KCNB2: variants seen among roughly 807,000 people sequenced by gnomAD.
The protein encoded by KCNB2 is potassium voltage-gated channel subfamily B member 2, also known as delayed rectifier potassium channel protein.
Under a neutral mutation model 61.5 loss-of-function variants are expected in KCNB2, and 15 were observed. The ratio of observed to expected loss-of-function variants is 0.24; its 90% CI spans 0.16 to 0.38. The LOEUF is 0.38. KCNB2 is among the 10% of genes least tolerant of loss of function. KCNB2 has a pLI of 1.00. For missense variants in KCNB2, 828 were observed against 1,125.2 expected (o/e 0.74, Z 3.78); for synonymous variants, 457 against 446.0 (o/e 1.02, Z -0.31).
At chr8:72,605,919 A>G (rs973023815) in intron 2 of KCNB2, among the ~76,000 whole-genome samples, 2 of 152,172 alleles carry the variant, frequency 1.3e-5, no homozygotes, top group African/African-American at 4.8e-5. Context: ...CAAGAGGAAT[A>G]CTAACCCAGC....
chr8:72,904,545 G>C (rs1323620729), intron 2 of KCNB2, among the ~76,000 whole-genome samples: 1 of 151,662 alleles, frequency 6.6e-6, no homozygotes, highest in East Asian at 1.9e-4. Flanking sequence ...AAAAGAAAAA[G>C]AACAAAAAAG....
chr8:72,925,085 T>G (rs1292929360), intron 2 of KCNB2, among the ~76,000 whole-genome samples: 1 of 152,240 alleles, frequency 6.6e-6, no homozygotes, highest in Non-Finnish European at 1.5e-5. Context: ...CTGCAGAGAT[T>G]CATTAAAAGG....
chr8:72,862,469 T>G (rs933655842), intron 2 of KCNB2, among the ~76,000 whole-genome samples: 1 of 152,192 alleles, frequency 6.6e-6, no homozygotes, highest in Non-Finnish European at 1.5e-5. Context: ...AATTACAAAA[T>G]TTTTAGTAGT....
intron 2 of KCNB2, among the ~76,000 whole-genome samples, chr8:72,648,485 G>A (rs1258131462): frequency 1.3e-5 from 2 of 150,876 alleles, no homozygotes; most frequent in African/African-American, 4.9e-5. Flanking sequence ...TGTTGCCTAG[G>A]CTGGTCGCGA....
rs545151766 is a variant in KCNB2 at position 72,643,856 on chromosome 8, G to A, written c.579+75543G>A. Reference sequence around the variant, plus strand: ...AAAGTTGTAAGGAAAACACCACCCCGTACTCAAGGAAAATATGAACCCTTC... The same window carrying A: ...AAAGTTGTAAGGAAAACACCACCCCATACTCAAGGAAAATATGAACCCTTC... On this transcript the variant is annotated intron_variant, in intron 2 of 2. Transcript: ENST00000523207. Among the ~76,000 whole-genome samples the A allele has an allele frequency of 5.9e-5, 9 of 152,060 alleles. No homozygotes were observed. The East Asian group carries it at 1.4e-3, about 23-fold the overall frequency.
At chr8:72,562,229 G>C (rs909874815) in intron 1 of KCNB2, among the ~76,000 whole-genome samples, 1 of 152,148 alleles carries the variant, frequency 6.6e-6, no homozygotes, top group Non-Finnish European at 1.5e-5. Flanking sequence ...CATGAAGGAA[G>C]TGTCAAGTGT....
At chr8:72,783,287 T>A (rs577193486) in intron 2 of KCNB2, among the ~76,000 whole-genome samples, 3 of 152,266 alleles carry the variant, frequency 2.0e-5, no homozygotes, top group South Asian at 4.1e-4. Flanking sequence ...TCAAGTCATG[T>A]CCTTACAGTG....
In KCNB2 at chr8:72,636,891, G is replaced by A. The variant is rs944536249; in HGVS notation, c.579+68578G>A. 2.6e-5 allele frequency among the ~76,000 whole-genome samples: 4 copies of A among 152,122 alleles called. No homozygotes were observed. In the South Asian group the frequency reaches 8.3e-4, roughly 32 times the overall value. On this transcript the variant is annotated intron_variant, in intron 2 of 2. Coordinates refer to ENST00000523207, the MANE Select transcript of KCNB2 (RefSeq NM_004770.3). ...ATTGGCCCATTTCTGCCACCAACAT[G>A]CCATAAGACTGATCATTGTTTTCCA... is the stretch of plus-strand genomic sequence containing the variant.
At chr8:72,742,685 C>T (rs897054249) in intron 2 of KCNB2, among the ~76,000 whole-genome samples, 1 of 152,276 alleles carries the variant, frequency 6.6e-6, no homozygotes, top group Middle Eastern at 3.4e-3. Context: ...TCCTCCTGTG[C>T]GTGGAAGGGG....
chr8:72,598,574 C>T (rs1807237374), intron 2 of KCNB2, among the ~76,000 whole-genome samples: 1 of 152,142 alleles, frequency 6.6e-6, no homozygotes, highest in Admixed American at 6.5e-5. Flanking sequence ...CACTCCTATT[C>T]AACATAGTGT....
chr8:72,890,029 G>A (rs1387367424), intron 2 of KCNB2, among the ~76,000 whole-genome samples: 1 of 152,154 alleles, frequency 6.6e-6, no homozygotes, highest in Non-Finnish European at 1.5e-5. Flanking sequence ...TTACAGGCGT[G>A]AGCCAACATG....
chr8:72,562,777 G>T (rs546486264), intron 1 of KCNB2, among the ~76,000 whole-genome samples: 1 of 151,928 alleles, frequency 6.6e-6, no homozygotes, highest in Admixed American at 6.6e-5. Context: ...ATTTTATGGG[G>T]TAAAAAATCA....
At chr8:72,702,380 CCAAA>C (rs551227788) in intron 2 of KCNB2, among the ~76,000 whole-genome samples, 94 of 152,230 alleles carry the variant, frequency 6.2e-4, no homozygotes, top group African/African-American at 2.1e-3. Context: ...CATCTTAACA[CCAAA>C]CAAATTGTGC....
At chr8:72,776,985 T>G (rs1316967954) in intron 2 of KCNB2, among the ~76,000 whole-genome samples, 1 of 152,200 alleles carries the variant, frequency 6.6e-6, no homozygotes, top group Admixed American at 6.5e-5. Flanking sequence ...TGCTATATGA[T>G]GATTTAAATG....
intron 2 of KCNB2, among the ~76,000 whole-genome samples, chr8:72,591,919 A>C (rs1024843247): frequency 3.3e-5 from 5 of 152,094 alleles, no homozygotes; most frequent in African/African-American, 1.2e-4. Context: ...GACTAATCTT[A>C]CATAAGTTTA....
At chr8:72,763,372 C>T (rs16938359) in intron 2 of KCNB2, among the ~76,000 whole-genome samples, 2,225 of 151,886 alleles carry the variant, frequency 0.015, 64 homozygotes, top group African/African-American at 0.051. Flanking sequence ...CAACAAGCAC[C>T]GAAGTATCAG....
intron 2 of KCNB2, among the ~76,000 whole-genome samples, chr8:72,754,787 A>C (rs1808256898): frequency 6.6e-6 from 1 of 152,212 alleles, no homozygotes; most frequent in African/African-American, 2.4e-5. Context: ...GTAAGTAAAC[A>C]CATTCAGTTG....
At position 72,814,392 on chromosome 8, in the gene KCNB2, G is replaced by A. The variant is rs1466931469; in HGVS notation, c.580-121543G>A. Among the ~76,000 whole-genome samples, 5 of 152,248 alleles carry A rather than the reference G, an allele frequency of 3.3e-5. 1 individual carries two copies. Among genetic ancestry groups the A allele is most frequent in the Admixed American group, 3.3e-4 (5 of 15,290 alleles). On this transcript the variant is annotated intron_variant, in intron 2 of 2. Coordinates refer to ENST00000523207, the MANE Select transcript of KCNB2 (RefSeq NM_004770.3). ...TTGACACGTCACTGAATAGGCAAAT[G>A]TTCAGCTTTTACAGGTACGACCAGT...
intron 2 of KCNB2, among the ~76,000 whole-genome samples, chr8:72,760,700 G>A (rs1808364260): frequency 6.6e-6 from 1 of 152,182 alleles, no homozygotes; most frequent in African/African-American, 2.4e-5. Flanking sequence ...ACAGGCCTCA[G>A]TTAGCAGCAT....
Sources: gnomAD v4.1 joint callset for allele counts (sites outside exome capture counted in the v4.1 genomes callset) on GRCh38, gnomAD v4.1.1 for gene constraint, MANE v1.5 for transcripts, NCBI Gene and HGNC (gene_info 2026-07-23, HGNC 2026-07-21) for gene names.